Variants in TESC observed in about 807,000 individuals in gnomAD.
TESC encodes the protein tescalcin.
In TESC, 19 loss-of-function variants were observed where a neutral mutation model predicts 31.0. The ratio of observed to expected loss-of-function variants is 0.61; its 90% CI spans 0.43 to 0.90. The LOEUF (loss-of-function observed/expected upper bound fraction) is 0.90, where lower values mean the gene tolerates loss of function less well. Among genes scored for constraint, TESC ranks in the 40% least tolerant of loss-of-function variants. The pLI is 0.00. For synonymous variants in TESC, 109 were observed against 114.8 expected (o/e 0.95, Z 0.32); for missense variants, 248 against 303.8 (o/e 0.82, Z 1.36).
intron 6 of TESC, among the ~76,000 whole-genome samples, chr12:117,043,138 C>T (rs1954508805): frequency 6.6e-6 from 1 of 152,114 alleles, no homozygotes; most frequent in Admixed American, 6.5e-5. Context: ...CAGACCCCCA[C>T]CATCTGCCCT....
chr12:117,088,022 C>G (rs1163733831), intron 1 of TESC, among the ~76,000 whole-genome samples: 1 of 152,130 alleles, frequency 6.6e-6, no homozygotes, highest in African/African-American at 2.4e-5. Context: ...AACTGAGTCT[C>G]AGAGAGGCTA....
rs1214809145 is a variant in TESC at position 117,075,923 on chromosome 12, GTATATATATATATATA to G, written c.59-599_59-584del. Reference sequence around the variant, plus strand: ...TATATATATATATATATGTGTGTGTGTATATATATATATATATGTATATATACATATATATATATAT... The same window carrying G: ...TATATATATATATATATGTGTGTGTGTGTATATATACATATATATATATAT... On this transcript the variant is annotated intron_variant, in intron 1 of 7. Coordinates refer to ENST00000335209, the MANE Select transcript of TESC (RefSeq NM_017899.4). Among the ~76,000 whole-genome samples, 191 of 68,682 alleles carry G rather than the reference GTATATATATATATATA, an allele frequency of 2.8e-3. 2 individuals carry two copies. The highest frequency in any genetic ancestry group is 0.018 in the Middle Eastern group (2 of 110). 45.1% of individuals were successfully genotyped at this position (68,682 alleles called of 152,430 possible).
At chr12:117,063,177 A>C (rs1336101787) in intron 2 of TESC, among the ~76,000 whole-genome samples, 3 of 152,210 alleles carry the variant, frequency 2.0e-5, no homozygotes, top group Non-Finnish European at 4.4e-5. Context: ...AGAGAGGCAA[A>C]GAGACTAAGC....
intron 6 of TESC, among the ~76,000 whole-genome samples, chr12:117,043,226 G>T (rs746972180): frequency 3.3e-5 from 5 of 152,050 alleles, no homozygotes; most frequent in African/African-American, 4.8e-5. Flanking sequence ...AAAAATAAAA[G>T]ACATGCATGT....
intron 3 of TESC, among the ~76,000 whole-genome samples, chr12:117,053,413 G>A (rs1279994486): frequency 6.6e-6 from 1 of 152,154 alleles, no homozygotes; most frequent in Non-Finnish European, 1.5e-5. Context: ...TCCACCCCAA[G>A]AGCCGAAAAC....
intron 6 of TESC, among the ~76,000 whole-genome samples, chr12:117,044,824 G>A (rs1179948443): frequency 2.6e-5 from 4 of 152,276 alleles, no homozygotes; most frequent in African/African-American, 2.4e-5. Context: ...TTGAACTCAG[G>A]AGGTGGAGGT....
intron 1 of TESC, among the ~76,000 whole-genome samples, chr12:117,086,070 G>GA (rs1955215978): frequency 6.6e-6 from 1 of 151,670 alleles, no homozygotes; most frequent in Non-Finnish European, 1.5e-5. Flanking sequence ...CTATTTACAT[G>GA]AAATGCCCCA....
At position 117,096,064 on chromosome 12, in the gene TESC, T is replaced by C. The variant is rs117509879; in HGVS notation, c.58+3161A>G. Among the ~76,000 whole-genome samples, 302 of 151,658 alleles carry C rather than the reference T, an allele frequency of 2.0e-3. 2 individuals are homozygous for C. In the East Asian group the frequency reaches 0.022, roughly 11 times the overall value. ...CCTGGGGGATCATTACTATAAAGAG[T>C]GTTATGCAGAGAGCACCAGCGTGGA... On this transcript the variant is annotated intron_variant, in intron 1 of 7. Coordinates refer to ENST00000335209, the MANE Select transcript of TESC (RefSeq NM_017899.4).
At chr12:117,056,962 T>C (rs1954735518) in intron 2 of TESC, 76 bp from the exon 3 acceptor site, 6 of 1,467,092 alleles carry the variant, frequency 4.1e-6, no homozygotes, top group Middle Eastern at 3.4e-4. Context: ...TTTCATCCTG[T>C]ATCAAGCTGT....
intron 6 of TESC, among the ~76,000 whole-genome samples, chr12:117,044,002 T>C (rs1437464885): frequency 6.6e-6 from 1 of 152,028 alleles, no homozygotes; most frequent in Non-Finnish European, 1.5e-5. Flanking sequence ...TCCCAGCACT[T>C]TGGGAGGCCA....
chr12:117,051,307 A>G (rs1954644208), intron 3 of TESC, among the ~76,000 whole-genome samples: 1 of 152,078 alleles, frequency 6.6e-6, no homozygotes, highest in South Asian at 2.1e-4. Flanking sequence ...TGTCCTGGGA[A>G]CTCCCACTTT....
intron 2 of TESC, among the ~76,000 whole-genome samples, chr12:117,063,458 C>T (rs1954826822): frequency 6.6e-6 from 1 of 152,196 alleles, no homozygotes; most frequent in East Asian, 1.9e-4. Flanking sequence ...CTGTGCTGGG[C>T]TCTTCCTCAA....
chr12:117,096,095 A>G (rs1043244601), intron 1 of TESC, among the ~76,000 whole-genome samples: 2 of 152,134 alleles, frequency 1.3e-5, no homozygotes, highest in Non-Finnish European at 2.9e-5. Flanking sequence ...GTGGAGCCTG[A>G]TGCTCAGCAG....
chr12:117,097,017 T>G (rs1351840493), intron 1 of TESC, among the ~76,000 whole-genome samples: 1 of 152,212 alleles, frequency 6.6e-6, no homozygotes, highest in African/African-American at 2.4e-5. Flanking sequence ...GTTCACAGTT[T>G]AACACCTGTC....
rs537781893 is a variant in TESC at position 117,071,098 on chromosome 12, G to A, written c.128+4173C>T. ...GACCCCTGCTGAATTCTTTCACCTG[G>A]ATTACATCAACCTAACAAGGAAGTA... On this transcript the variant is annotated intron_variant, in intron 2 of 7. Coordinates refer to ENST00000335209, the MANE Select transcript of TESC (RefSeq NM_017899.4). 3.3e-5 allele frequency among the ~76,000 whole-genome samples: 5 copies of A among 152,318 alleles called. No individual in the cohort carries two copies. The South Asian group carries it at 8.3e-4, about 25-fold the overall frequency.
In TESC at chr12:117,075,873, GTGTATATATATATATATATA is replaced by G. The variant is rs1199400816; in HGVS notation, c.59-553_59-534del. The stretch of plus-strand genomic sequence containing the variant: ...TATATATATATATATATATATATGT[GTGTATATATATATATATATA>G]TATATATATATATATATATATGTGT... On this transcript the variant is annotated intron_variant, in intron 1 of 7. Coordinates refer to ENST00000335209, the MANE Select transcript of TESC (RefSeq NM_017899.4). Among the ~76,000 whole-genome samples the G allele has an allele frequency of 4.1e-4, 9 of 22,222 alleles. 1 individual carries two copies. Among genetic ancestry groups the G allele is most frequent in the African/African-American group, 1.5e-3 (9 of 5,956 alleles). The allele number at this position is 22,222 out of a possible 152,430, so 14.6% of individuals were successfully genotyped here. A position where few individuals can be genotyped will look rare whatever the true frequency, so the allele number is the denominator to read the frequency against.
intron 7 of TESC, among the ~76,000 whole-genome samples, chr12:117,040,830 G>A (rs967692355): frequency 6.6e-6 from 1 of 152,132 alleles, no homozygotes; most frequent in Non-Finnish European, 1.5e-5. Flanking sequence ...GCTTGGCCTC[G>A]GCTCCATGGG....
intron 1 of TESC, among the ~76,000 whole-genome samples, chr12:117,092,803 T>C (rs1955331616): frequency 6.6e-6 from 1 of 152,196 alleles, no homozygotes; most frequent in African/African-American, 2.4e-5. Flanking sequence ...CAAAAACAAA[T>C]TAATTTTAAA....
rs530988940 is a variant in TESC, at chr12:117,079,367, G to T, written c.59-4027C>A. 1.3e-4 allele frequency among the ~76,000 whole-genome samples: 20 copies of T among 152,128 alleles called. No homozygotes were observed. In the South Asian group the frequency reaches 1.5e-3, roughly 11 times the overall value. On this transcript the variant is annotated intron_variant, in intron 1 of 7. Transcript: ENST00000335209. Reference sequence around the variant, plus strand: ...ACTTGAGGTCAGGAGTTTGAAACCAGCCTGGCCAACATGCCAAAACCCCAT... The same window carrying T: ...ACTTGAGGTCAGGAGTTTGAAACCATCCTGGCCAACATGCCAAAACCCCAT...
Sources: allele counts gnomAD v4.1 joint callset (sites outside exome capture counted in the v4.1 genomes callset), GRCh38; gene constraint gnomAD v4.1.1; transcripts MANE v1.5; gene names NCBI Gene and HGNC (gene_info 2026-07-23, HGNC 2026-07-21).